TMEM117: variants seen among roughly 807,000 people sequenced by gnomAD.
TMEM117 encodes the protein transmembrane protein 117.
In TMEM117, 27 loss-of-function variants were observed where a neutral mutation model predicts 52.4. The ratio of observed to expected loss-of-function variants is 0.51; its 90% CI spans 0.38 to 0.71. The LOEUF is 0.71. TMEM117 is among the 30% of genes least tolerant of loss of function. TMEM117 has a pLI of 0.00. For synonymous variants in TMEM117, 215 were observed against 206.3 expected (o/e 1.04, Z -0.36); for missense variants, 556 against 630.5 (o/e 0.88, Z 1.26).
At chr12:43,996,626 G>A (rs937926128) in intron 3 of TMEM117, among the ~76,000 whole-genome samples, 22 of 145,892 alleles carry the variant, frequency 1.5e-4, no homozygotes, top group African/African-American at 4.2e-4. Flanking sequence ...CTGGGCCACA[G>A]AGCAAGACTC....
At chr12:43,808,585 CATAA>C in the TMEM117 span, among the ~76,000 whole-genome samples, 2 of 151,986 alleles carry the variant, frequency 1.3e-5, no homozygotes, top group African/African-American at 2.4e-5. Context: ...AGTTAAATAA[CATAA>C]ATGAATGAAG....
the TMEM117 span, among the ~76,000 whole-genome samples, chr12:43,801,206 AGTT>A: frequency 6.6e-6 from 1 of 152,250 alleles, no homozygotes; most frequent in Admixed American, 6.5e-5. Context: ...TTACGAATTA[AGTT>A]GTTAAGAATC....
intron 3 of TMEM117, among the ~76,000 whole-genome samples, chr12:43,966,704 G>T (rs1437375275): frequency 6.6e-6 from 1 of 152,092 alleles, no homozygotes; most frequent in Non-Finnish European, 1.5e-5. Context: ...CTTGTATCAG[G>T]CTGACTATTT....
intron 2 of TMEM117, among the ~76,000 whole-genome samples, chr12:43,940,375 C>T (rs960007626): frequency 5.9e-5 from 9 of 152,136 alleles, no homozygotes; most frequent in African/African-American, 1.2e-4. Flanking sequence ...CTAGAACTCT[C>T]AATTTAAAAA....
chr12:44,325,612 A>G lies in TMEM117; in HGVS notation c.768+25873A>G, dbSNP rs575782236. 7.9e-5 allele frequency among the ~76,000 whole-genome samples: 12 copies of G among 151,974 alleles called. No homozygotes were observed. In the South Asian group the frequency reaches 2.5e-3, roughly 32 times the overall value. ...TTAATATTTTTCTCATTGTCTTGTA[A>G]TAGCTCCTTGCACATTAAAGAAATT... On this transcript the variant is annotated intron_variant, in intron 6 of 7. Coordinates refer to ENST00000266534, the MANE Select transcript of TMEM117 (RefSeq NM_032256.3).
At chr12:44,173,956 A>G (rs1295859212) in intron 4 of TMEM117, among the ~76,000 whole-genome samples, 1 of 152,186 alleles carries the variant, frequency 6.6e-6, no homozygotes, top group Admixed American at 6.5e-5. Flanking sequence ...GTTAATGTCT[A>G]AGAAAGTTCA....
At chr12:43,826,274 T>C in the TMEM117 span, among the ~76,000 whole-genome samples, 1 of 152,240 alleles carries the variant, frequency 6.6e-6, no homozygotes, top group African/African-American at 2.4e-5. Flanking sequence ...GCTTTATTTA[T>C]TGAGGTTTAC....
intron 2 of TMEM117, among the ~76,000 whole-genome samples, chr12:43,853,526 C>G (rs999084620): frequency 6.6e-6 from 1 of 152,164 alleles, no homozygotes; most frequent in Non-Finnish European, 1.5e-5. Context: ...CACCTTGCCT[C>G]GGTCTCCTAA....
chr12:44,246,821 A>G (rs1335841464), intron 5 of TMEM117, among the ~76,000 whole-genome samples: 1 of 152,182 alleles, frequency 6.6e-6, no homozygotes, highest in Non-Finnish European at 1.5e-5. Flanking sequence ...AAGTTCGAAC[A>G]CATCAACCTG....
chr12:43,960,885 T>G (rs576107435), intron 3 of TMEM117, among the ~76,000 whole-genome samples: 1 of 152,260 alleles, frequency 6.6e-6, no homozygotes, highest in South Asian at 2.1e-4. Flanking sequence ...TCATCATCAT[T>G]AATCTGGGGG....
chr12:44,310,084 C>T (rs1950954834), intron 6 of TMEM117, among the ~76,000 whole-genome samples: 1 of 152,002 alleles, frequency 6.6e-6, no homozygotes, highest in African/African-American at 2.4e-5. Context: ...TTGTGATGGT[C>T]AATTTTTTTT....
At chr12:44,247,800 C>A (rs936205943) in intron 5 of TMEM117, among the ~76,000 whole-genome samples, 2 of 152,268 alleles carry the variant, frequency 1.3e-5, no homozygotes, top group African/African-American at 4.8e-5. Context: ...CTGGACCAGT[C>A]GTTGAAGAGG....
intron 2 of TMEM117, among the ~76,000 whole-genome samples, chr12:43,918,664 G>A (rs1320028677): frequency 3.9e-5 from 6 of 152,102 alleles, no homozygotes; most frequent in Non-Finnish European, 5.9e-5. Flanking sequence ...TCGTACAGAC[G>A]CTTCCAGTGG....
At chr12:44,012,191 T>C (rs1946303050) in intron 3 of TMEM117, among the ~76,000 whole-genome samples, 1 of 152,138 alleles carries the variant, frequency 6.6e-6, no homozygotes, top group South Asian at 2.1e-4. Context: ...GTAAGGTGTT[T>C]TTTTCCCTCT....
chr12:44,235,377 T>C (rs1275982312), intron 5 of TMEM117, among the ~76,000 whole-genome samples: 1 of 151,656 alleles, frequency 6.6e-6, no homozygotes, highest in Non-Finnish European at 1.5e-5. Flanking sequence ...AAAATCTTTT[T>C]TTTTTTTGGA....
chr12:44,367,411 T>C (rs1054124911), intron 6 of TMEM117, among the ~76,000 whole-genome samples: 1 of 152,136 alleles, frequency 6.6e-6, no homozygotes, highest in Non-Finnish European at 1.5e-5. Context: ...GATCATGCCT[T>C]CCCTTGTGAA....
chr12:44,299,553 CT>C, intron 5 of TMEM117, 26 bp from the exon 6 acceptor site: 1 of 1,612,332 alleles, frequency 6.2e-7, no homozygotes, highest in Non-Finnish European at 8.5e-7. Context: ...GCCTTATGTT[CT>C]TTAATGAGTG....
chr12:44,053,918 T>C (rs1947012487), intron 3 of TMEM117, among the ~76,000 whole-genome samples: 1 of 152,218 alleles, frequency 6.6e-6, no homozygotes, highest in African/African-American at 2.4e-5. Flanking sequence ...TATTGCAACA[T>C]GAATGTTAGT....
At chr12:44,065,821 A>T (rs1225163213) in intron 3 of TMEM117, among the ~76,000 whole-genome samples, 1 of 152,248 alleles carries the variant, frequency 6.6e-6, no homozygotes, top group Non-Finnish European at 1.5e-5. Context: ...AGAGGGCTAC[A>T]TTAAAGTTAC....
Sources: allele counts gnomAD v4.1 joint callset (sites outside exome capture counted in the v4.1 genomes callset), GRCh38; gene constraint gnomAD v4.1.1; transcripts MANE v1.5; gene names NCBI Gene and HGNC (gene_info 2026-07-23, HGNC 2026-07-21).